The following SMG1 variants were observed in gnomAD, a reference collection of about 807,000 sequenced individuals.
SMG1 encodes SMG1 nonsense mediated mRNA decay associated PI3K related kinase.
Under a neutral mutation model 419.9 loss-of-function variants are expected in SMG1, and 22 were observed. The ratio of observed to expected loss-of-function variants is 0.05; its 90% CI spans 0.04 to 0.07. SMG1 has a LOEUF of 0.07. Ranked by LOEUF, SMG1 falls within the 10% of genes least tolerant of loss-of-function variation. The probability of loss-of-function intolerance (pLI) is 1.00; values close to 1 mark genes in which losing one functional copy is unlikely to be tolerated. For missense variants in SMG1, 3,185 were observed against 4,342.0 expected, an observed-to-expected ratio of 0.73 and a Z score of 7.49; for synonymous variants, 1,538 against 1,553.5, an observed-to-expected ratio of 0.99 and a Z score of 0.23.
chr16:18,830,464 G>C (rs1275230520), intron 51 of SMG1, 95 bp from the exon 52 acceptor site: 14 of 1,369,528 alleles, frequency 1.0e-5, no homozygotes, highest in East Asian at 4.7e-5. Flanking sequence ...TGCATGCTGT[G>C]AGAGTCTAGA....
At position 18,811,962 on chromosome 16, in the gene SMG1, G is replaced by C; in HGVS notation, c.10787C>G (p.Pro3596Arg). Reference protein sequence around the residue: ...ACSPKKAVRDPKTGKAVQERN... With the variant: ...ACSPKKAVRDRKTGKAVQERN... ...TAACTAATTACCTTTCCCAGTTTTA[G>C]GGTCTCTGACTGCCTTTTTAGGACT... The change falls in exon 61 of 63, where the codon CCT (proline) becomes CGT (arginine). Residue 3596 changes from proline to arginine, a missense_variant. Physicochemically the swap from Pro to Arg is moderately radical, Grantham distance 103 (BLOSUM62 -2). This residue lies in a region of SMG1 where 41 missense variants were observed against 78.7 expected (regional missense o/e 0.52). Transcript: ENST00000446231. 1 of 1,613,490 alleles carries C rather than the reference G, an allele frequency of 6.2e-7. No homozygotes were observed. The highest frequency in any genetic ancestry group is 1.3e-5 in the African/African-American group (1 of 74,958).
At chr16:18,904,400 G>A (rs917325808) in intron 1 of SMG1, among the ~76,000 whole-genome samples, 2 of 140,108 alleles carry the variant, frequency 1.4e-5, no homozygotes, top group African/African-American at 5.3e-5. Context: ...TTTGGGAAGC[G>A]AAGGCAGGCA....
At chr16:18,828,797 G>A (rs947948652) in intron 54 of SMG1, among the ~76,000 whole-genome samples, 4 of 152,100 alleles carry the variant, frequency 2.6e-5, no homozygotes, top group Non-Finnish European at 4.4e-5. Context: ...TCGGGAGTTC[G>A]AGACCAGCCT....
intron 56 of SMG1, among the ~76,000 whole-genome samples, 188 bp downstream of exon 56, chr16:18,819,314 G>GC (rs34181000): frequency 0.31 from 46,791 of 152,016 alleles, 7,941 homozygotes; most frequent in Non-Finnish European, 0.38. Flanking sequence ...GGCAGTAAAG[G>GC]CCAAGGAAAT....
At chr16:18,847,008 C>T (rs73541348) in intron 38 of SMG1, among the ~76,000 whole-genome samples, 5,217 of 152,122 alleles carry the variant, frequency 0.034, 302 homozygotes, top group African/African-American at 0.12. Context: ...TGTCCATAAA[C>T]GGATGGACAA....
intron 31 of SMG1, among the ~76,000 whole-genome samples, chr16:18,853,172 C>A (rs1463571550): frequency 6.6e-6 from 1 of 152,164 alleles, no homozygotes; most frequent in Non-Finnish European, 1.5e-5. Flanking sequence ...GAATCAACTA[C>A]CCTATTTGTA....
chr16:18,906,313 T>A (rs2037559817), intron 1 of SMG1, among the ~76,000 whole-genome samples: 2 of 152,010 alleles, frequency 1.3e-5, no homozygotes, highest in Admixed American at 1.3e-4. Flanking sequence ...TGAAACCTCA[T>A]CTCTACTAAA....
intron 26 of SMG1, among the ~76,000 whole-genome samples, 168 bp from the exon 27 acceptor site, chr16:18,859,871 C>T (rs913721627): frequency 6.6e-6 from 1 of 152,108 alleles, no homozygotes; most frequent in African/African-American, 2.4e-5. Context: ...ATACTTCATA[C>T]AAAATTACTG....
At chr16:18,829,079 C>T (rs138886550) in intron 54 of SMG1, among the ~76,000 whole-genome samples, 1 of 151,512 alleles carries the variant, frequency 6.6e-6, no homozygotes, top group Non-Finnish European at 1.5e-5. Context: ...GGACACAAAC[C>T]ATAAAGGATA....
intron 62 of SMG1, among the ~76,000 whole-genome samples, chr16:18,810,379 C>A (rs1333690743): frequency 1.3e-5 from 2 of 152,140 alleles, no homozygotes; most frequent in Non-Finnish European, 2.9e-5. Context: ...ACCAACTAAT[C>A]TAGACAAACC....
rs552055013 is a variant in SMG1 at position 18,925,730 on chromosome 16, G to A, written c.92+220C>T. On this transcript the variant is annotated intron_variant, in intron 1 of 62. Coordinates refer to ENST00000446231, the MANE Select transcript of SMG1 (RefSeq NM_015092.5). Reference sequence around the variant, plus strand: ...CCACCGCCGGGAGCCCCGGGTCTCGGCTCCAGCCCCGGGCTGAACAAGCAG... The same window carrying A: ...CCACCGCCGGGAGCCCCGGGTCTCGACTCCAGCCCCGGGCTGAACAAGCAG... The A allele has an allele frequency of 2.4e-3, 970 of 397,398 alleles. 8 individuals carry two copies. The highest frequency in any genetic ancestry group is 0.019 in the African/African-American group (901 of 47,060). 24.6% of individuals were successfully genotyped at this position (397,398 alleles called of 1,614,324 possible).
intron 9 of SMG1, 139 bp downstream of exon 9, chr16:18,883,931 A>G (rs929028725): frequency 1.2e-5 from 5 of 411,646 alleles, no homozygotes; most frequent in Non-Finnish European, 2.2e-5. Flanking sequence ...AAAAAAAAAA[A>G]AAAATGTTTA....
At chr16:18,873,648 C>T (rs1187774582) in intron 13 of SMG1, among the ~76,000 whole-genome samples, 2 of 152,194 alleles carry the variant, frequency 1.3e-5, no homozygotes, top group African/African-American at 4.8e-5. Flanking sequence ...GTATTTGGCC[C>T]ATGGACCATA....
At chr16:18,888,478 C>T (rs555469177) in intron 6 of SMG1, among the ~76,000 whole-genome samples, 1 of 140,174 alleles carries the variant, frequency 7.1e-6, no homozygotes, top group African/African-American at 2.7e-5. Flanking sequence ...GAAAAAAATC[C>T]TTTTTTTTTT....
rs1567388475 is a variant in SMG1, at chr16:18,864,210, T to TTTC, written c.3351-67_3351-66insGAA. 1.2e-4 allele frequency: 166 copies of TTTC among 1,332,358 alleles called. 1 individual carries two copies. The African/African-American group carries it at 2.1e-3, about 16-fold the overall frequency. 82.5% of individuals were successfully genotyped at this position (1,332,358 alleles called of 1,614,324 possible). ...TACTTTTTTTTTTTTTTTTTTTTTTTTTGTGATGAAGTTTTGCTCTTCTTG... is the reference window on the plus strand; with the variant it reads ...TACTTTTTTTTTTTTTTTTTTTTTTTTTCTTGTGATGAAGTTTTGCTCTTCTTG... On this transcript the variant is annotated intron_variant, in intron 23 of 62. Coordinates refer to ENST00000446231, the MANE Select transcript of SMG1 (RefSeq NM_015092.5).
At chr16:18,827,676 T>C (rs1234400090) in intron 55 of SMG1, among the ~76,000 whole-genome samples, 3 of 143,780 alleles carry the variant, frequency 2.1e-5, no homozygotes, top group Non-Finnish European at 4.5e-5. Flanking sequence ...TTTATATATA[T>C]TTGGTATAAA....
chr16:18,832,582 G>GCACA (rs3222694), intron 51 of SMG1, among the ~76,000 whole-genome samples: 6,198 of 148,326 alleles, frequency 0.042, 279 homozygotes, highest in African/African-American at 0.11. Context: ...CTATACACTT[G>GCACA]CACACACACA....
Position 18,887,134 on chromosome 16 carries a change from C to A in SMG1, c.823-1468G>T, listed in dbSNP as rs569517219. On this transcript the variant is annotated intron_variant, in intron 6 of 62. Coordinates refer to ENST00000446231, the MANE Select transcript of SMG1 (RefSeq NM_015092.5). Reference sequence around the variant, plus strand: ...TAGTAACTGGTAAATCTAGGTGAAGCATATATTATGAAATTATTATCATAT... The same window carrying A: ...TAGTAACTGGTAAATCTAGGTGAAGAATATATTATGAAATTATTATCATAT... Among the ~76,000 whole-genome samples, 3 of 152,124 alleles carry A rather than the reference C, an allele frequency of 2.0e-5. No homozygotes were observed. The South Asian group carries it at 6.2e-4, about 32-fold the overall frequency.
chr16:18,916,387 C>T (rs1443721638), intron 1 of SMG1, among the ~76,000 whole-genome samples: 3 of 151,066 alleles, frequency 2.0e-5, no homozygotes, highest in African/African-American at 4.8e-5. Context: ...AGGTGGCGGG[C>T]GCCTGTAGTC....
Sources: allele counts gnomAD v4.1 joint callset (sites outside exome capture counted in the v4.1 genomes callset), GRCh38; gene constraint gnomAD v4.1.1; regional missense constraint gnomAD v4.1.1; transcripts MANE v1.5; gene names NCBI Gene and HGNC (gene_info 2026-07-23, HGNC 2026-07-21).